Variants in ZNF407 observed in about 807,000 individuals in gnomAD.
The protein encoded by ZNF407 is zinc finger protein 407.
ZNF407 carries 17 observed loss-of-function variants against 131.2 expected under a neutral mutation model. That is an observed-to-expected ratio of 0.13 (90% CI 0.09 to 0.19). ZNF407 has a LOEUF of 0.19. ZNF407 is among the 10% of genes least tolerant of loss of function. The pLI, the probability that ZNF407 is intolerant of heterozygous loss-of-function variation, is 1.00. For missense variants in ZNF407, 2,681 were observed against 2,830.6 expected (o/e 0.95, Z 1.20); for synonymous variants, 1,156 against 1,062.0 (o/e 1.09, Z -1.72).
intron 8 of ZNF407, among the ~76,000 whole-genome samples, chr18:75,029,309 C>T (rs1162829703): frequency 6.6e-6 from 1 of 152,180 alleles, no homozygotes; most frequent in Non-Finnish European, 1.5e-5. Flanking sequence ...AGTGCTATTT[C>T]TTGTGAGTGT....
At chr18:74,828,539 T>C (rs1222740982) in intron 4 of ZNF407, among the ~76,000 whole-genome samples, 2 of 150,554 alleles carry the variant, frequency 1.3e-5, no homozygotes, top group Non-Finnish European at 3.0e-5. Context: ...TTAGATGGAG[T>C]TATTTAGTCC....
At chr18:74,743,820 T>C (rs1968606026) in intron 3 of ZNF407, among the ~76,000 whole-genome samples, 1 of 152,036 alleles carries the variant, frequency 6.6e-6, no homozygotes, top group Admixed American at 6.6e-5. Flanking sequence ...GACATACTTT[T>C]TAAAATATTT....
chr18:74,712,044 A>G (rs1233753192), intron 3 of ZNF407, among the ~76,000 whole-genome samples: 1 of 151,892 alleles, frequency 6.6e-6, no homozygotes, highest in Non-Finnish European at 1.5e-5. Context: ...CCTTTTTATC[A>G]CTTTGTATTT....
chr18:74,912,436 T>A (rs1260525611), intron 7 of ZNF407, among the ~76,000 whole-genome samples: 4 of 152,128 alleles, frequency 2.6e-5, no homozygotes, highest in African/African-American at 9.7e-5. Flanking sequence ...TTCATTGTGA[T>A]GGAGTGGCAG....
intron 8 of ZNF407, 180 bp downstream of exon 8, chr18:74,920,872 G>T (rs981895646): frequency 7.9e-7 from 1 of 1,258,336 alleles, no homozygotes; most frequent in African/African-American, 1.5e-5. Context: ...ATGAAAACAG[G>T]ACTTTTCAAC....
intron 4 of ZNF407, among the ~76,000 whole-genome samples, chr18:74,809,715 A>C (rs1970166603): frequency 6.6e-6 from 1 of 152,242 alleles, no homozygotes; most frequent in African/African-American, 2.4e-5. Context: ...AATTTTAAAC[A>C]GTTCTTGCTT....
chr18:74,614,842 C>T (rs1480219881), intron 1 of ZNF407, among the ~76,000 whole-genome samples: 2 of 152,154 alleles, frequency 1.3e-5, no homozygotes, highest in African/African-American at 4.8e-5. Flanking sequence ...CTTGTAAAGG[C>T]TAAAAGCCTT....
chr18:74,871,577 T>G (rs1192393470), intron 4 of ZNF407, among the ~76,000 whole-genome samples: 1 of 152,116 alleles, frequency 6.6e-6, no homozygotes, highest in Non-Finnish European at 1.5e-5. Flanking sequence ...TTGTCACAGT[T>G]TTAGAGGATA....
intron 7 of ZNF407, among the ~76,000 whole-genome samples, chr18:74,913,119 G>A (rs1421711926): frequency 1.3e-5 from 2 of 152,166 alleles, no homozygotes; most frequent in East Asian, 3.9e-4. Flanking sequence ...TAGTGGAATT[G>A]TAAATTGCTA....
chr18:74,709,313 C>T (rs1212155987), intron 3 of ZNF407, among the ~76,000 whole-genome samples: 2 of 152,130 alleles, frequency 1.3e-5, no homozygotes, highest in East Asian at 1.9e-4. Context: ...TCCAAAAGCA[C>T]ACTTTTCTAG....
intron 8 of ZNF407, among the ~76,000 whole-genome samples, chr18:75,059,811 C>G (rs1973603700): frequency 6.6e-6 from 1 of 152,058 alleles, no homozygotes; most frequent in Non-Finnish European, 1.5e-5. Context: ...TACAAGACAA[C>G]CATGAGACAG....
chr18:74,953,919 G>C (rs528062785), intron 8 of ZNF407, among the ~76,000 whole-genome samples: 347 of 152,310 alleles, frequency 2.3e-3, no homozygotes, highest in Middle Eastern at 3.4e-3. Context: ...CCTAATGGGA[G>C]GCGAGAAAAA....
chr18:74,888,532 T>C (rs1441338458), intron 6 of ZNF407, among the ~76,000 whole-genome samples: 2 of 152,328 alleles, frequency 1.3e-5, no homozygotes, highest in East Asian at 1.9e-4. Flanking sequence ...TAAATTTTCA[T>C]CTGAAATATA....
intron 8 of ZNF407, among the ~76,000 whole-genome samples, chr18:74,938,290 C>T (rs1035636593): frequency 6.6e-5 from 10 of 152,154 alleles, no homozygotes; most frequent in Admixed American, 5.2e-4. Context: ...TATTTAGGGC[C>T]GTTATAGTAA....
chr18:74,638,523 A>C (rs1984564376), intron 2 of ZNF407, among the ~76,000 whole-genome samples: 1 of 152,192 alleles, frequency 6.6e-6, no homozygotes, highest in South Asian at 2.1e-4. Flanking sequence ...TGCTAATGGC[A>C]CATCTGTGTA....
In ZNF407 at chr18:74,632,791, A is replaced by G. The variant is rs761984770; in HGVS notation, c.1772A>G (p.Gln591Arg). Residue 591 changes from glutamine (Q) to arginine (R), a missense_variant, in exon 2 of 9, where the codon CAG becomes CGG. Coordinates refer to ENST00000299687, the MANE Select transcript of ZNF407 (RefSeq NM_017757.3). Reference sequence around the variant, plus strand: ...CAAACTGCTTCTGTCCTGAGTTGTCAGTGTTGTTCATTTATATCCTTGGAT... The same window carrying G: ...CAAACTGCTTCTGTCCTGAGTTGTCGGTGTTGTTCATTTATATCCTTGGAT... ...HQQTASVLSC[Q>R]CCSFISLDEI... is the part of the protein sequence containing the mutation. The G allele has an allele frequency of 4.3e-6, 7 of 1,614,044 alleles. No individual in the cohort carries two copies. The highest frequency in any genetic ancestry group is 5.1e-6 in the Non-Finnish European group (6 of 1,179,902).
chr18:74,696,852 T>C (rs1967370422), intron 3 of ZNF407, among the ~76,000 whole-genome samples: 1 of 152,180 alleles, frequency 6.6e-6, no homozygotes, highest in Non-Finnish European at 1.5e-5. Context: ...CAGGCTGTGA[T>C]ATTACAAGCA....
intron 4 of ZNF407, among the ~76,000 whole-genome samples, chr18:74,786,494 G>A (rs1294558470): frequency 6.7e-6 from 1 of 150,372 alleles, no homozygotes; most frequent in African/African-American, 2.4e-5. Context: ...TCCCCATGAT[G>A]GCCAATTTAG....
chr18:75,018,024 T>C (rs1973065409), intron 8 of ZNF407, among the ~76,000 whole-genome samples: 1 of 152,176 alleles, frequency 6.6e-6, no homozygotes, highest in Admixed American at 6.6e-5. Flanking sequence ...TAGTAATCTA[T>C]GATAAATCAA....
Sources: allele counts gnomAD v4.1 joint callset (sites outside exome capture counted in the v4.1 genomes callset), GRCh38; gene constraint gnomAD v4.1.1; transcripts MANE v1.5; gene names NCBI Gene and HGNC (gene_info 2026-07-23, HGNC 2026-07-21).